The following ZNF710 variants were observed in gnomAD, a reference collection of about 807,000 sequenced individuals.
ZNF710 encodes zinc finger protein 710.
In ZNF710, 13 loss-of-function variants were observed where a neutral mutation model predicts 50.6. The observed-to-expected ratio is 0.26, with a 90% CI of 0.17 to 0.41. The LOEUF (loss-of-function observed/expected upper bound fraction) is 0.41, where lower values mean the gene tolerates loss of function less well. Ranked by LOEUF, ZNF710 falls within the 10% of genes least tolerant of loss-of-function variation. The probability of loss-of-function intolerance (pLI) is 1.00; values close to 1 mark genes in which losing one functional copy is unlikely to be tolerated. For synonymous variants in ZNF710, 383 were observed against 397.0 expected, an observed-to-expected ratio of 0.96 and a Z score of 0.42; for missense variants, 721 against 936.6, an observed-to-expected ratio of 0.77 and a Z score of 3.01.
At chr15:89,999,796 C>A (rs770174315), upstream of ZNF710, among the ~76,000 whole-genome samples, 1 of 152,004 alleles carries the variant, frequency 6.6e-6, no homozygotes, top group Non-Finnish European at 1.5e-5. Context: ...CAATGGGGCT[C>A]AGCATCTGCT....
intron 1 of ZNF710, 25 bp downstream of exon 1, chr15:90,001,639 C>G (rs1424479757): frequency 6.9e-6 from 1 of 144,336 alleles, no homozygotes; most frequent in Non-Finnish European, 1.5e-5. Context: ...CGGCCCCCCG[C>G]CCCAGCCCCA....
chr15:90,050,115 C>G (rs931019132), intron 1 of ZNF710, among the ~76,000 whole-genome samples: 1 of 152,216 alleles, frequency 6.6e-6, no homozygotes, highest in African/African-American at 2.4e-5. Flanking sequence ...AGCTGTCCCT[C>G]CCCCCAGGAG....
In ZNF710 at chr15:90,062,157, C is replaced by G. The variant is rs998513935; in HGVS notation, c.-28-4953C>G. Among the ~76,000 whole-genome samples the G allele has an allele frequency of 2.0e-5, 3 of 151,388 alleles. No individual in the cohort carries two copies. Among genetic ancestry groups the G allele is most frequent in the South Asian group, 2.1e-4 (1 of 4,762 alleles). ...ACAGCCTCATTCTCTCTCCCTCCCC[C>G]TCACTCAGGCTCCTCCTCTGCCCCC... On this transcript the variant is annotated intron_variant, in intron 1 of 4. Transcript: ENST00000268154. The surrounding 1 kb of genome is among the most constrained non-coding windows in gnomAD (Gnocchi z 5.6).
At chr15:90,079,289 C>T (rs1035260642) in intron 4 of ZNF710, among the ~76,000 whole-genome samples, 1 of 152,218 alleles carries the variant, frequency 6.6e-6, no homozygotes, top group African/African-American at 2.4e-5. Context: ...GGTGATGTCA[C>T]GCAGGCAGCT....
At chr15:90,058,562 CG>C (rs1555458580) in intron 1 of ZNF710, among the ~76,000 whole-genome samples, 1 of 152,050 alleles carries the variant, frequency 6.6e-6, no homozygotes. Flanking sequence ...GAGACACTCC[CG>C]TGCTGGGCCC....
rs1276852963 is a variant in ZNF710 at position 90,067,040 on chromosome 15, TG to T, written c.-28-69del. 4 of 1,481,400 alleles carry T rather than the reference TG, an allele frequency of 2.7e-6. No homozygotes were observed. The highest frequency in any genetic ancestry group is 3.6e-6 in the Non-Finnish European group (4 of 1,115,266). 91.8% of individuals were successfully genotyped at this position (1,481,400 alleles called of 1,614,324 possible). A position where few individuals can be genotyped will look rare whatever the true frequency, so the allele number is the denominator to read the frequency against. On this transcript the variant is annotated intron_variant, in intron 1 of 4. Coordinates refer to ENST00000268154, the MANE Select transcript of ZNF710 (RefSeq NM_198526.4). This position sits in a 1 kb window ranked among gnomAD's most constrained non-coding sequence, Gnocchi z 8.1. ...ACCCAAAATCAGCCAAGCCCTTGTC[TG>T]TGCTGTGTCTGTTGTCTGTCTGTGC...
At chr15:90,000,987 A>G (rs1018953878), upstream of ZNF710, among the ~76,000 whole-genome samples, 1 of 150,060 alleles carries the variant, frequency 6.7e-6, no homozygotes, top group East Asian at 2.0e-4. Context: ...CTGAGAGGAG[A>G]AAAAAAAAAG....
rs182106518 is a variant in ZNF710, at chr15:90,002,780, G to A, written c.-29+1166G>A. On this transcript the variant is annotated intron_variant, in intron 1 of 4. Transcript: ENST00000268154. ...TTGGAAAGATTTAAGAGGCCAGGGA[G>A]GTGCTTGTGTGGATTTTAACCAACC... 1.1e-4 allele frequency among the ~76,000 whole-genome samples: 17 copies of A among 152,364 alleles called. No homozygotes were observed. The East Asian group carries it at 3.3e-3, about 29-fold the overall frequency.
At position 90,062,778 on chromosome 15, in the gene ZNF710, GC is replaced by G. The variant is rs1900049258; in HGVS notation, c.-28-4331del. On this transcript the variant is annotated intron_variant, in intron 1 of 4. Coordinates refer to ENST00000268154, the MANE Select transcript of ZNF710 (RefSeq NM_198526.4). The surrounding 1 kb of genome is among the most constrained non-coding windows in gnomAD (Gnocchi z 5.6). Reference sequence around the variant, plus strand: ...TGCGATAGGCAGGCAGAACACACATGCGAAACGCAGGTAAATTAGATTCCCT... The same window carrying G: ...TGCGATAGGCAGGCAGAACACACATGGAAACGCAGGTAAATTAGATTCCCT... Among the ~76,000 whole-genome samples, 1 of 152,200 alleles carries G rather than the reference GC, an allele frequency of 6.6e-6. No homozygotes were observed.
At chr15:90,055,967 A>G (rs1454619926) in intron 1 of ZNF710, among the ~76,000 whole-genome samples, 1 of 151,682 alleles carries the variant, frequency 6.6e-6, no homozygotes. Context: ...AAATACAAAA[A>G]TTAGCCAGGC....
At chr15:90,015,943 A>T (rs112974039) in intron 1 of ZNF710, among the ~76,000 whole-genome samples, 13 of 152,280 alleles carry the variant, frequency 8.5e-5, no homozygotes, top group African/African-American at 3.1e-4. Flanking sequence ...TGTAATAAAG[A>T]ATGGACACGC....
intron 1 of ZNF710, among the ~76,000 whole-genome samples, chr15:90,016,169 A>G (rs1898450686): frequency 1.3e-5 from 2 of 152,168 alleles, no homozygotes; most frequent in Admixed American, 1.3e-4. Context: ...TTAAAGAAGG[A>G]AAAAAGGATG....
In ZNF710 at chr15:90,074,170, C is replaced by T. The variant is rs988529355; in HGVS notation, c.1705C>T (p.His569Tyr). 6.2e-7 allele frequency: 1 copy of T among 1,613,854 alleles called. No homozygotes were observed. Among genetic ancestry groups the T allele is most frequent in the Non-Finnish European group, 8.5e-7 (1 of 1,179,892 alleles). Residue 569 changes from histidine (H) to tyrosine (Y), a missense_variant, in exon 4 of 5, where the codon CAC (histidine) becomes TAC (tyrosine). Around this residue, in one of 3 missense-constraint regions of ZNF710, gnomAD observed 326 missense variants for 522.0 expected, o/e 0.62. Transcript: ENST00000268154. ...MYNLLGHMHL[H>Y]AGSKPFKCPY... ...CAACCTGCTGGGCCACATGCACCTG[C>T]ACGCCGGCAGCAAGCCCTTCAAGTG...
At chr15:90,054,232 G>A (rs979742557) in intron 1 of ZNF710, among the ~76,000 whole-genome samples, 8 of 152,126 alleles carry the variant, frequency 5.3e-5, no homozygotes, top group Non-Finnish European at 1.2e-4. Flanking sequence ...AGGCAGGACC[G>A]AGTGGCAGAG....
chr15:90,047,083 G>A (rs1444812474), intron 1 of ZNF710, among the ~76,000 whole-genome samples: 2 of 152,204 alleles, frequency 1.3e-5, no homozygotes, highest in East Asian at 1.9e-4. Context: ...GCACAGCCAC[G>A]CTGGCCTAGA....
At chr15:90,006,886 T>C (rs1596260751) in intron 1 of ZNF710, 1 of 154,932 alleles carries the variant, frequency 6.5e-6, no homozygotes, top group Admixed American at 6.5e-5. Flanking sequence ...AATGACAGGT[T>C]CTCAGCTTTG....
intron 1 of ZNF710, among the ~76,000 whole-genome samples, chr15:90,055,342 G>A (rs75202303): frequency 0.034 from 5,136 of 152,228 alleles, 173 homozygotes; most frequent in African/African-American, 0.082. Flanking sequence ...GAAAGCATGT[G>A]TGAAGAGGCC....
intron 1 of ZNF710, among the ~76,000 whole-genome samples, chr15:90,065,228 C>T (rs760802842): frequency 6.6e-6 from 1 of 152,150 alleles, no homozygotes; most frequent in Non-Finnish European, 1.5e-5. Flanking sequence ...CCGCTGGGCG[C>T]TGGGGGGAGG....
intron 1 of ZNF710, among the ~76,000 whole-genome samples, chr15:90,032,506 G>A (rs1017802951): frequency 5.9e-5 from 9 of 152,100 alleles, no homozygotes; most frequent in Middle Eastern, 3.5e-3. Context: ...GGCTGGGCAC[G>A]GTGGCTCATG....
Sources: gnomAD v4.1 joint callset for allele counts (sites outside exome capture counted in the v4.1 genomes callset) on GRCh38, gnomAD v4.1.1 for gene constraint, gnomAD v4.1.1 regional missense constraint, Gnocchi (gnomAD v3.1) non-coding constraint, MANE v1.5 for transcripts, NCBI Gene and HGNC (gene_info 2026-07-23, HGNC 2026-07-21) for gene names.